Variants in THEMIS observed in about 807,000 individuals in gnomAD.
THEMIS encodes protein THEMIS.
A neutral mutation model predicts 52.6 loss-of-function variants in THEMIS; 37 were observed. The observed-to-expected ratio is 0.70, with a 90% CI of 0.54 to 0.93. The LOEUF (loss-of-function observed/expected upper bound fraction) is 0.93. THEMIS is among the 40% of genes least tolerant of loss of function. The pLI, the probability that THEMIS is intolerant of heterozygous loss-of-function variation, is 0.00. For missense variants in THEMIS, 808 were observed against 763.1 expected (o/e 1.06, Z -0.69); for synonymous variants, 292 against 272.7 (o/e 1.07, Z -0.70).
intron 1 of THEMIS, among the ~76,000 whole-genome samples, chr6:127,869,664 T>A (rs1780095377): frequency 6.6e-6 from 1 of 152,130 alleles, no homozygotes. Context: ...TAGACATACA[T>A]TTTCCTACCA....
chr6:127,906,954 A>AAC (rs1554249790), intron 1 of THEMIS, among the ~76,000 whole-genome samples: 2 of 127,882 alleles, frequency 1.6e-5, no homozygotes, highest in East Asian at 3.8e-4. Flanking sequence ...GTTAAAAAAC[A>AAC]AAAAAAAAAA....
chr6:127,770,604 G>T (rs1191423776), intron 4 of THEMIS, among the ~76,000 whole-genome samples: 1 of 152,044 alleles, frequency 6.6e-6, no homozygotes, highest in Non-Finnish European at 1.5e-5. Context: ...AGTTTCTTTT[G>T]CTGTGCAGAA....
chr6:127,752,402 T>C (rs1775676320), intron 4 of THEMIS, among the ~76,000 whole-genome samples: 1 of 149,280 alleles, frequency 6.7e-6, no homozygotes, highest in South Asian at 2.1e-4. Flanking sequence ...AGCAAACCTT[T>C]AGCTAGAGTA....
chr6:127,846,605 G>A (rs1779222832), intron 2 of THEMIS, among the ~76,000 whole-genome samples: 1 of 151,878 alleles, frequency 6.6e-6, no homozygotes, highest in Non-Finnish European at 1.5e-5. Context: ...TGGAAACCAT[G>A]AGCAGACCAA....
At chr6:127,726,330 C>A (rs527819715) in intron 4 of THEMIS, among the ~76,000 whole-genome samples, 2 of 152,088 alleles carry the variant, frequency 1.3e-5, no homozygotes, top group Non-Finnish European at 2.9e-5. Flanking sequence ...GAAGACAGCA[C>A]CCCATCTCAA....
intron 2 of THEMIS, among the ~76,000 whole-genome samples, chr6:127,850,892 T>C (rs1355512478): frequency 6.6e-6 from 1 of 151,532 alleles, no homozygotes; most frequent in African/African-American, 2.4e-5. Flanking sequence ...GAAATAATAA[T>C]AATAATAATA....
intron 1 of THEMIS, among the ~76,000 whole-genome samples, chr6:127,909,642 C>A (rs951427979): frequency 5.9e-5 from 9 of 151,922 alleles, no homozygotes; most frequent in Admixed American, 5.3e-4. Flanking sequence ...ACTTGGTAAC[C>A]AAAGCTTTGT....
intron 1 of THEMIS, among the ~76,000 whole-genome samples, chr6:127,875,979 C>T (rs1583384409): frequency 6.6e-6 from 1 of 152,266 alleles, no homozygotes; most frequent in East Asian, 1.9e-4. Flanking sequence ...AAAAATACCA[C>T]TTTTAAGATT....
intron 4 of THEMIS, among the ~76,000 whole-genome samples, chr6:127,784,825 TA>T (rs1776867935): frequency 6.6e-6 from 1 of 152,058 alleles, no homozygotes; most frequent in African/African-American, 2.4e-5. Flanking sequence ...GGGTACTTTT[TA>T]AAAAAACTTA....
At chr6:127,703,492 C>A (rs886290142), downstream of THEMIS, among the ~76,000 whole-genome samples, 40 of 152,036 alleles carry the variant, frequency 2.6e-4, no homozygotes, top group Non-Finnish European at 5.3e-4. Flanking sequence ...GCTCAGACAC[C>A]AAGCTGCAGC....
At chr6:127,810,701 C>T (rs1000759858) in intron 4 of THEMIS, among the ~76,000 whole-genome samples, 1 of 151,890 alleles carries the variant, frequency 6.6e-6, no homozygotes, top group Admixed American at 6.6e-5. Flanking sequence ...AAACAGATAC[C>T]CTCCAATCGT....
At position 127,900,846 on chromosome 6, in the gene THEMIS, A is replaced by G. The variant is rs751178473; in HGVS notation, c.87T>C (p.Leu29=). 16 of 1,612,812 alleles carry G rather than the reference A, an allele frequency of 9.9e-6. No individual in the cohort carries two copies. Among genetic ancestry groups the G allele is most frequent in the Non-Finnish European group, 1.3e-5 (15 of 1,179,110 alleles). The change falls in exon 1 of 6, where the codon CTT becomes CTC. Residue 29 remains leucine (L), a synonymous_variant. Coordinates refer to ENST00000368248, the MANE Select transcript of THEMIS (RefSeq NM_001010923.3). ...AAGGTATTGGAGAGTGCTTACCTTC[A>G]AGATAGATGCCTGCCTGGATTTCTA... ...RVLEIQAGIY[L]EGSIYEMFGN... is the part of the protein sequence containing the mutation.
chr6:127,855,590 G>T (rs944674368), intron 1 of THEMIS, among the ~76,000 whole-genome samples: 2 of 151,774 alleles, frequency 1.3e-5, no homozygotes, highest in African/African-American at 4.8e-5. Context: ...TCATACAATT[G>T]GAGATGAAAA....
chr6:127,818,520 A>C (rs1778213195), intron 3 of THEMIS, among the ~76,000 whole-genome samples: 1 of 152,026 alleles, frequency 6.6e-6, no homozygotes, highest in African/African-American at 2.4e-5. Context: ...AGATAAACGT[A>C]ATATATCAAG....
intron 1 of THEMIS, among the ~76,000 whole-genome samples, chr6:127,891,803 A>C (rs2114473803): frequency 6.6e-6 from 1 of 151,968 alleles, no homozygotes; most frequent in South Asian, 2.1e-4. Context: ...GTCTCATAAA[A>C]CCCAAACTCC....
rs751127313 is a variant in THEMIS at position 127,813,811 on chromosome 6, G to T, written c.830C>A (p.Thr277Asn). The change falls in exon 4 of 6, where the codon ACT (threonine) becomes AAT (asparagine). Residue 277 changes from threonine (T) to asparagine (N), a missense_variant. Thr to Asn is a moderately conservative substitution (Grantham distance 65). Coordinates refer to ENST00000368248, the MANE Select transcript of THEMIS (RefSeq NM_001010923.3). ...AGTCACTATGGGGAACTCTTTACTAGTCATTTCAAAAAGATCTTCTGTTGA... is the reference window on the plus strand; with the variant it reads ...AGTCACTATGGGGAACTCTTTACTATTCATTTCAAAAAGATCTTCTGTTGA... ...LLSTEDLFEM[T>N]SKEFPIVTEV... The T allele has an allele frequency of 6.2e-7, 1 of 1,613,812 alleles. No homozygotes were observed. Among genetic ancestry groups the T allele is most frequent in the Non-Finnish European group, 8.5e-7 (1 of 1,179,914 alleles).
At chr6:127,867,138 G>A (rs1427656422) in intron 1 of THEMIS, among the ~76,000 whole-genome samples, 2 of 151,746 alleles carry the variant, frequency 1.3e-5, no homozygotes, top group African/African-American at 4.8e-5. Context: ...TGTATTCTTG[G>A]GAAAACTTTG....
chr6:127,852,756 G>A (rs896499282), intron 2 of THEMIS, among the ~76,000 whole-genome samples: 1 of 151,514 alleles, frequency 6.6e-6, no homozygotes, highest in African/African-American at 2.4e-5. Context: ...TGATGTAGAA[G>A]AATTATCCCT....
At chr6:127,755,617 A>G (rs1450843449) in intron 4 of THEMIS, among the ~76,000 whole-genome samples, 1 of 152,208 alleles carries the variant, frequency 6.6e-6, no homozygotes, top group Non-Finnish European at 1.5e-5. Context: ...CATTCTCCAT[A>G]CTTTAGCAAT....
Sources: allele counts gnomAD v4.1 joint callset (sites outside exome capture counted in the v4.1 genomes callset), GRCh38; gene constraint gnomAD v4.1.1; transcripts MANE v1.5; gene names NCBI Gene and HGNC (gene_info 2026-07-23, HGNC 2026-07-21).